The following FAM114A2 variants were observed in gnomAD, a reference collection of about 807,000 sequenced individuals.
The protein encoded by FAM114A2 is protein FAM114A2.
Under a neutral mutation model 58.4 loss-of-function variants are expected in FAM114A2, and 53 were observed. The ratio of observed to expected loss-of-function variants is 0.91; its 90% CI spans 0.73 to 1.14. FAM114A2 has a LOEUF of 1.14. Among genes scored for constraint, FAM114A2 ranks in the 50% most tolerant of loss-of-function variants. FAM114A2 has a pLI of 0.00. For synonymous variants in FAM114A2, 228 were observed against 211.4 expected, an observed-to-expected ratio of 1.08 and a Z score of -0.68; for missense variants, 601 against 581.1, an observed-to-expected ratio of 1.03 and a Z score of -0.35.
intron 7 of FAM114A2, among the ~76,000 whole-genome samples, chr5:154,026,881 TA>T (rs369405624): frequency 1.0e-3 from 133 of 132,802 alleles, no homozygotes; most frequent in Middle Eastern, 4.4e-3. Context: ...CCAAAGAAAC[TA>T]AAAAAAAAAA....
intron 9 of FAM114A2, among the ~76,000 whole-genome samples, chr5:154,007,856 T>G (rs1770454817): frequency 6.6e-6 from 1 of 152,204 alleles, no homozygotes; most frequent in Admixed American, 6.5e-5. Context: ...TGAACACATT[T>G]AAACCTCACA....
At chr5:154,009,596 AAACTTT>A (rs1770563272) in intron 9 of FAM114A2, among the ~76,000 whole-genome samples, 1 of 152,222 alleles carries the variant, frequency 6.6e-6, no homozygotes, top group Non-Finnish European at 1.5e-5. Flanking sequence ...ATAGGAAAAT[AAACTTT>A]AACTGTACAG....
At chr5:153,995,931 T>A (rs1581756940) in intron 12 of FAM114A2, among the ~76,000 whole-genome samples, 2 of 152,344 alleles carry the variant, frequency 1.3e-5, no homozygotes, top group African/African-American at 4.8e-5. Context: ...ATCTGAAGTT[T>A]GAATTTTATC....
chr5:154,034,288 T>C lies in FAM114A2; in HGVS notation c.300A>G (p.Val100=). The change falls in exon 3 of 14, where the codon GTA becomes GTG. Residue 100 remains valine (V), a synonymous_variant. Transcript: ENST00000351797. ...GACTGATGATCTTACCTACTGTAGC[T>C]ACTGTAGCCGAGGCTGAGGAGAGTA... ...KSILSSASAT[V]ATVGQGISNV... The C allele has an allele frequency of 1.3e-6, 2 of 1,580,742 alleles. No individual in the cohort carries two copies. The highest frequency in any genetic ancestry group is 1.7e-6 in the Non-Finnish European group (2 of 1,161,858).
chr5:154,019,779 G>A (rs1371185249), intron 8 of FAM114A2, among the ~76,000 whole-genome samples: 1 of 152,086 alleles, frequency 6.6e-6, no homozygotes, highest in Non-Finnish European at 1.5e-5. Flanking sequence ...ACATGAAGTA[G>A]GGAAAGGACA....
At chr5:154,004,728 G>T (rs1033342002) in intron 9 of FAM114A2, among the ~76,000 whole-genome samples, 2 of 91,892 alleles carry the variant, frequency 2.2e-5, no homozygotes, top group Non-Finnish European at 4.9e-5. Context: ...TCCTCTTCCC[G>T]TCTTCCTCCT....
chr5:154,019,517 A>G (rs1268173252), intron 8 of FAM114A2, among the ~76,000 whole-genome samples: 1 of 152,198 alleles, frequency 6.6e-6, no homozygotes, highest in Non-Finnish European at 1.5e-5. Context: ...TTATTCATTG[A>G]ACTAGAAAAA....
At chr5:154,029,672 C>A (rs961235837) in intron 4 of FAM114A2, 92 bp from the exon 5 acceptor site, 2 of 662,430 alleles carry the variant, frequency 3.0e-6, no homozygotes, top group Non-Finnish European at 5.4e-6. Flanking sequence ...AAAACTAGAC[C>A]CTGCTTACTA....
intron 13 of FAM114A2, 67 bp from the exon 14 acceptor site, chr5:153,993,177 G>A: frequency 7.5e-7 from 1 of 1,326,066 alleles, no homozygotes; most frequent in South Asian, 1.4e-5. Flanking sequence ...ATACTGTAAG[G>A]CAACAGGGGA....
intron 8 of FAM114A2, among the ~76,000 whole-genome samples, chr5:154,018,204 T>C (rs574007492): frequency 9.9e-5 from 15 of 152,166 alleles, no homozygotes; most frequent in Non-Finnish European, 2.2e-4. Flanking sequence ...CCAAATAATC[T>C]CAATTAGAAA....
At chr5:154,005,280 C>T (rs927762942) in intron 9 of FAM114A2, among the ~76,000 whole-genome samples, 3 of 152,154 alleles carry the variant, frequency 2.0e-5, no homozygotes, top group Non-Finnish European at 2.9e-5. Context: ...CTGGGTGCAG[C>T]TGCTTCCATC....
intron 9 of FAM114A2, 23 bp from the exon 10 acceptor site, chr5:154,002,992 A>T (rs765819774): frequency 1.2e-6 from 2 of 1,612,354 alleles, no homozygotes; most frequent in Non-Finnish European, 1.7e-6. Flanking sequence ...AATATTGGCC[A>T]TCAACAATTC....
chr5:154,005,190 G>A (rs147907679), intron 9 of FAM114A2, among the ~76,000 whole-genome samples: 2 of 152,192 alleles, frequency 1.3e-5, no homozygotes, highest in African/African-American at 4.8e-5. Context: ...AACATCTACT[G>A]TTTTGGATAT....
chr5:154,018,323 AT>A (rs1372118805), intron 8 of FAM114A2, among the ~76,000 whole-genome samples: 1 of 152,192 alleles, frequency 6.6e-6, no homozygotes, highest in Non-Finnish European at 1.5e-5. Context: ...AGACGGATAA[AT>A]TTCTGGAAAG....
chr5:154,018,293 T>A (rs548756229), intron 8 of FAM114A2, among the ~76,000 whole-genome samples: 1 of 152,246 alleles, frequency 6.6e-6, no homozygotes, highest in African/African-American at 2.4e-5. Context: ...TGTATGCGCA[T>A]AAACTAGAAA....
chr5:154,019,311 G>T (rs966726143), intron 8 of FAM114A2, among the ~76,000 whole-genome samples: 12 of 151,950 alleles, frequency 7.9e-5, no homozygotes, highest in African/African-American at 2.2e-4. Context: ...AAATATTTAG[G>T]AATATACCCA....
chr5:154,028,413 A>C (rs1199620129), intron 5 of FAM114A2, 130 bp from the exon 6 acceptor site: 3 of 628,890 alleles, frequency 4.8e-6, no homozygotes, highest in Non-Finnish European at 8.0e-6. Flanking sequence ...AAAGCAAATG[A>C]AACAATCACA....
At chr5:154,015,467 G>C (rs1015396533) in intron 8 of FAM114A2, among the ~76,000 whole-genome samples, 2 of 152,178 alleles carry the variant, frequency 1.3e-5, no homozygotes, top group Non-Finnish European at 2.9e-5. Context: ...AAAACCCCCA[G>C]TACCAGACTG....
chr5:153,994,035 C>G (rs1011770761), intron 13 of FAM114A2, among the ~76,000 whole-genome samples: 1 of 152,086 alleles, frequency 6.6e-6, no homozygotes, highest in African/African-American at 2.4e-5. Context: ...TTTACAAAGT[C>G]TTTTCTACTG....
Sources: allele counts gnomAD v4.1 joint callset (sites outside exome capture counted in the v4.1 genomes callset), GRCh38; gene constraint gnomAD v4.1.1; transcripts MANE v1.5; gene names NCBI Gene and HGNC (gene_info 2026-07-23, HGNC 2026-07-21).